The following TBCA variants were observed in gnomAD, a reference collection of about 807,000 sequenced individuals.
TBCA encodes the protein tubulin folding cofactor A, also known as tubulin-specific chaperone A.
In TBCA, 6 loss-of-function variants were observed where a neutral mutation model predicts 15.8. The observed-to-expected ratio is 0.38, with a 90% CI of 0.21 to 0.75. The LOEUF is 0.75. Ranked by LOEUF, TBCA falls within the 30% of genes least tolerant of loss-of-function variation. The probability of loss-of-function intolerance (pLI) is 0.46; values close to 1 mark genes in which losing one functional copy is unlikely to be tolerated. For synonymous variants in TBCA, 32 were observed against 42.3 expected (o/e 0.76, Z 0.94); for missense variants, 90 against 131.2 (o/e 0.69, Z 1.53).
At chr5:77,761,498 T>A (rs981246153) in intron 1 of TBCA, among the ~76,000 whole-genome samples, 1 of 152,012 alleles carries the variant, frequency 6.6e-6, no homozygotes, top group East Asian at 1.9e-4. Context: ...ACAAACACTG[T>A]GGAAGGCCAC....
intron 1 of TBCA, among the ~76,000 whole-genome samples, chr5:77,745,191 A>G (rs997416256): frequency 1.3e-5 from 2 of 152,234 alleles, no homozygotes; most frequent in African/African-American, 4.8e-5. Context: ...CTGGGGGCAC[A>G]AGGCAGAGAA....
At chr5:77,747,251 T>G (rs1580124706) in intron 1 of TBCA, among the ~76,000 whole-genome samples, 1 of 152,106 alleles carries the variant, frequency 6.6e-6, no homozygotes, top group Admixed American at 6.5e-5. Context: ...TCTTACTATG[T>G]GATTGAAAAA....
chr5:77,707,607 A>G (rs1746178902), intron 2 of TBCA, among the ~76,000 whole-genome samples: 1 of 152,194 alleles, frequency 6.6e-6, no homozygotes, highest in African/African-American at 2.4e-5. Flanking sequence ...TTGATTCAAA[A>G]TCAAGAAGAG....
At chr5:77,699,312 A>AAAAAT (rs1057039665) in intron 2 of TBCA, among the ~76,000 whole-genome samples, 1 of 152,180 alleles carries the variant, frequency 6.6e-6, no homozygotes, top group Non-Finnish European at 1.5e-5. Context: ...TAATTTTGAA[A>AAAAAT]AAAATAAAAT....
intron 1 of TBCA, among the ~76,000 whole-genome samples, chr5:77,756,102 A>G: frequency 6.6e-6 from 1 of 152,084 alleles, no homozygotes; most frequent in East Asian, 1.9e-4. Context: ...TGTTTGTCAC[A>G]TTTTTTTAAA....
chr5:77,748,598 G>C (rs1400528781), intron 1 of TBCA, among the ~76,000 whole-genome samples: 3 of 151,666 alleles, frequency 2.0e-5, no homozygotes, highest in African/African-American at 7.3e-5. Flanking sequence ...TTACAATGAT[G>C]TAGAAAGTAC....
chr5:77,731,074 T>C (rs1167137332), intron 1 of TBCA, among the ~76,000 whole-genome samples: 1 of 152,174 alleles, frequency 6.6e-6, no homozygotes, highest in Non-Finnish European at 1.5e-5. Flanking sequence ...AATCTTAGCA[T>C]GGTATTTTGA....
chr5:77,693,700 G>C (rs575873235), intron 2 of TBCA: 29 of 218,854 alleles, frequency 1.3e-4, no homozygotes, highest in African/African-American at 5.7e-4. Context: ...TCAGGAGGCT[G>C]AGGCAGGAGA....
chr5:77,753,289 C>G (rs1328957227), intron 1 of TBCA, among the ~76,000 whole-genome samples: 2 of 152,236 alleles, frequency 1.3e-5, no homozygotes, highest in Admixed American at 1.3e-4. Context: ...TAGCTTCTAT[C>G]AGAATGGCAA....
chr5:77,699,847 G>A (rs1243656910), intron 2 of TBCA, among the ~76,000 whole-genome samples: 5 of 151,974 alleles, frequency 3.3e-5, no homozygotes, highest in African/African-American at 1.2e-4. Context: ...AGACCAGCCT[G>A]ACCAACACGG....
At chr5:77,755,521 G>A (rs1032329206) in intron 1 of TBCA, among the ~76,000 whole-genome samples, 2 of 152,010 alleles carry the variant, frequency 1.3e-5, no homozygotes, top group Admixed American at 1.3e-4. Context: ...GTTGCAGTGA[G>A]CCAAGATCAT....
At chr5:77,755,668 T>C (rs931189059) in intron 1 of TBCA, among the ~76,000 whole-genome samples, 1 of 152,118 alleles carries the variant, frequency 6.6e-6, no homozygotes, top group African/African-American at 2.4e-5. Context: ...AAACCTGGCA[T>C]GCTCTTCCAT....
chr5:77,760,437 T>C (rs146936709), intron 1 of TBCA, among the ~76,000 whole-genome samples: 1 of 152,246 alleles, frequency 6.6e-6, no homozygotes, highest in East Asian at 1.9e-4. Flanking sequence ...CTCTCCTTTC[T>C]TTCTTTCGAC....
At chr5:77,739,277 A>G (rs1746978859) in intron 1 of TBCA, among the ~76,000 whole-genome samples, 1 of 152,042 alleles carries the variant, frequency 6.6e-6, no homozygotes, top group African/African-American at 2.4e-5. Flanking sequence ...ACTGGCCAAC[A>G]TGGTGAACCC....
intron 1 of TBCA, among the ~76,000 whole-genome samples, chr5:77,712,504 A>C (rs1746302191): frequency 6.6e-6 from 1 of 152,178 alleles, no homozygotes; most frequent in South Asian, 2.1e-4. Flanking sequence ...ACTGAAGACA[A>C]GTATGTATTT....
At chr5:77,728,333 G>T (rs909312661) in intron 1 of TBCA, among the ~76,000 whole-genome samples, 9 of 152,092 alleles carry the variant, frequency 5.9e-5, no homozygotes, top group Admixed American at 1.3e-4. Flanking sequence ...TTACAGGAGA[G>T]ATCTTCATGT....
At chr5:77,720,018 G>A (rs1269784974) in intron 1 of TBCA, among the ~76,000 whole-genome samples, 1 of 152,092 alleles carries the variant, frequency 6.6e-6, no homozygotes, top group Non-Finnish European at 1.5e-5. Context: ...CCTCTGTCCA[G>A]ACCCATATCT....
chr5:77,731,468 T>C (rs1292986835), intron 1 of TBCA, among the ~76,000 whole-genome samples: 5 of 152,184 alleles, frequency 3.3e-5, no homozygotes, highest in South Asian at 2.1e-4. Flanking sequence ...CTCACAACCA[T>C]GCCAATAAAC....
intron 1 of TBCA, among the ~76,000 whole-genome samples, chr5:77,720,609 G>A (rs1200398625): frequency 1.3e-5 from 2 of 152,074 alleles, no homozygotes; most frequent in Non-Finnish European, 2.9e-5. Flanking sequence ...AGCTACTTGG[G>A]AGGCTGAGGT....
Sources: allele counts gnomAD v4.1 joint callset (sites outside exome capture counted in the v4.1 genomes callset), GRCh38; gene constraint gnomAD v4.1.1; transcripts MANE v1.5; gene names NCBI Gene and HGNC (gene_info 2026-07-23, HGNC 2026-07-21).